The following RYR3 variants were observed in gnomAD, a reference collection of about 807,000 sequenced individuals.
RYR3 encodes brain ryanodine receptor-calcium release channel.
Under a neutral mutation model 584.3 loss-of-function variants are expected in RYR3, and 207 were observed. That is an observed-to-expected ratio of 0.35 (90% CI 0.32 to 0.40). The LOEUF (loss-of-function observed/expected upper bound fraction) is 0.40, where lower values mean the gene tolerates loss of function less well. Among genes scored for constraint, RYR3 ranks in the 10% least tolerant of loss-of-function variants. RYR3 has a pLI of 1.00. For synonymous variants in RYR3, 2,416 were observed against 2,248.5 expected, an observed-to-expected ratio of 1.07 and a Z score of -2.11; for missense variants, 5,616 against 6,089.2, an observed-to-expected ratio of 0.92 and a Z score of 2.59.
chr15:33,834,115 C>T lies in RYR3; in HGVS notation c.11464-853C>T, dbSNP rs570867088. ...TGGCCAATGTGACAAAACCCTGTCT[C>T]TACTAAAAATATAAAAAAATCAGCC... is the stretch of plus-strand genomic sequence containing the variant. On this transcript the variant is annotated intron_variant, in intron 86 of 103. Coordinates refer to ENST00000634891, the MANE Select transcript of RYR3 (RefSeq NM_001036.6). Among the ~76,000 whole-genome samples the T allele has an allele frequency of 9.2e-5, 14 of 152,168 alleles. No individual in the cohort carries two copies. The South Asian group carries it at 2.9e-3, about 32-fold the overall frequency.
intron 1 of RYR3, among the ~76,000 whole-genome samples, chr15:33,465,502 C>T (rs903607827): frequency 5.9e-5 from 9 of 152,088 alleles, no homozygotes; most frequent in Admixed American, 2.0e-4. Flanking sequence ...TTGGTAATAG[C>T]CAGTCTAACA....
chr15:33,803,399 G>A (rs897594636), intron 69 of RYR3, among the ~76,000 whole-genome samples: 5 of 152,150 alleles, frequency 3.3e-5, no homozygotes, highest in Admixed American at 6.5e-5. Flanking sequence ...TCCACCTTTC[G>A]GGGACAGCTA....
In RYR3 at chr15:33,438,930, T is replaced by C. The variant is rs369896481; in HGVS notation, c.52-34489T>C. On this transcript the variant is annotated intron_variant, in intron 1 of 103. Coordinates refer to ENST00000634891, the MANE Select transcript of RYR3 (RefSeq NM_001036.6). ...TACATAACAAATACATTAGGATGTT[T>C]TTCTGTGGTCACTGTTGAATGGAAA... 8.5e-4 allele frequency among the ~76,000 whole-genome samples: 130 copies of C among 152,320 alleles called. 4 individuals are homozygous for C. In the South Asian group the frequency reaches 0.026, roughly 31 times the overall value.
chr15:33,432,920 C>T (rs542617748), intron 1 of RYR3, among the ~76,000 whole-genome samples: 3 of 151,702 alleles, frequency 2.0e-5, no homozygotes, highest in Non-Finnish European at 4.4e-5. Context: ...TACAATCCAA[C>T]TCTTTGGCCT....
At chr15:33,746,812 T>TC (rs2070763287) in intron 53 of RYR3, among the ~76,000 whole-genome samples, 1 of 150,480 alleles carries the variant, frequency 6.6e-6, no homozygotes, top group South Asian at 2.1e-4. Context: ...TCTTTTTTTT[T>TC]TTTTTTTCTC....
chr15:33,459,191 A>G (rs1346485202), intron 1 of RYR3, among the ~76,000 whole-genome samples: 1 of 152,246 alleles, frequency 6.6e-6, no homozygotes, highest in Non-Finnish European at 1.5e-5. Context: ...TATGATGCTC[A>G]CATATGGTTG....
chr15:33,314,747 T>A (rs1967861025), intron 1 of RYR3, among the ~76,000 whole-genome samples: 1 of 152,034 alleles, frequency 6.6e-6, no homozygotes, highest in African/African-American at 2.4e-5. Context: ...ACCCCGTCTC[T>A]ACTAAAAATA....
chr15:33,819,488 A>G (rs2076992412), intron 76 of RYR3, among the ~76,000 whole-genome samples: 1 of 151,892 alleles, frequency 6.6e-6, no homozygotes, highest in Admixed American at 6.6e-5. Context: ...CCTGGCCAAT[A>G]TGGTGAAACC....
chr15:33,636,019 A>G (rs562878442), intron 26 of RYR3, among the ~76,000 whole-genome samples, 200 bp downstream of exon 26: 2 of 152,276 alleles, frequency 1.3e-5, no homozygotes, highest in South Asian at 4.1e-4. Context: ...CTGTACCCCA[A>G]ATCCTTTCTA....
At chr15:33,371,182 G>A (rs928709682) in intron 1 of RYR3, among the ~76,000 whole-genome samples, 1 of 152,228 alleles carries the variant, frequency 6.6e-6, no homozygotes, top group Non-Finnish European at 1.5e-5. Flanking sequence ...TGAGAGAACA[G>A]GTAAGGAGGT....
chr15:33,842,858 T>G (rs1212431422), intron 91 of RYR3, among the ~76,000 whole-genome samples: 3 of 152,186 alleles, frequency 2.0e-5, no homozygotes, highest in Non-Finnish European at 4.4e-5. Context: ...ACACAGCACT[T>G]CAAGGCAAGG....
At chr15:33,512,727 A>G (rs2053145227) in intron 3 of RYR3, among the ~76,000 whole-genome samples, 1 of 152,230 alleles carries the variant, frequency 6.6e-6, no homozygotes, top group South Asian at 2.1e-4. Flanking sequence ...TGATCTAGAA[A>G]GCCTGAGCTG....
chr15:33,489,433 C>G (rs980128678), intron 2 of RYR3, among the ~76,000 whole-genome samples: 12 of 152,138 alleles, frequency 7.9e-5, no homozygotes, highest in African/African-American at 2.9e-4. Context: ...CATTTAGCTC[C>G]CACTTTTAAG....
chr15:33,475,054 T>C (rs1221363026), intron 2 of RYR3, among the ~76,000 whole-genome samples: 2 of 152,216 alleles, frequency 1.3e-5, no homozygotes, highest in Non-Finnish European at 2.9e-5. Context: ...TTTGTTTTTT[T>C]GTTTTGCTTT....
At chr15:33,701,111 T>G in intron 42 of RYR3, 31 bp downstream of exon 42, 1 of 1,489,734 alleles carries the variant, frequency 6.7e-7, no homozygotes, top group Non-Finnish European at 9.3e-7. Flanking sequence ...CAGTGTGGTG[T>G]TCTCTTCGGC....
chr15:33,434,587 T>C (rs1460624325), intron 1 of RYR3, among the ~76,000 whole-genome samples: 1 of 152,126 alleles, frequency 6.6e-6, no homozygotes, highest in Non-Finnish European at 1.5e-5. Flanking sequence ...AGTAAAAATA[T>C]CTAGTACCCA....
chr15:33,735,641 A>G (rs965241054), intron 48 of RYR3, among the ~76,000 whole-genome samples: 1 of 152,184 alleles, frequency 6.6e-6, no homozygotes, highest in Non-Finnish European at 1.5e-5. Context: ...CTCTACCTCA[A>G]AATTTATTTG....
At chr15:33,501,383 A>C (rs1172517967) in intron 2 of RYR3, among the ~76,000 whole-genome samples, 1 of 152,236 alleles carries the variant, frequency 6.6e-6, no homozygotes, top group Non-Finnish European at 1.5e-5. Flanking sequence ...CAGAATCTTT[A>C]GCATTTGGAG....
intron 76 of RYR3, among the ~76,000 whole-genome samples, chr15:33,819,224 T>C (rs1167056277): frequency 6.6e-6 from 1 of 152,246 alleles, no homozygotes; most frequent in African/African-American, 2.4e-5. Flanking sequence ...AACTATAAAC[T>C]TCATCTCTGA....
Sources: allele counts gnomAD v4.1 joint callset (sites outside exome capture counted in the v4.1 genomes callset), GRCh38; gene constraint gnomAD v4.1.1; transcripts MANE v1.5; gene names NCBI Gene and HGNC (gene_info 2026-07-23, HGNC 2026-07-21).